Variants in CHEK2 observed in about 807,000 individuals in gnomAD.
The protein encoded by CHEK2 is checkpoint kinase 2.
Under a neutral mutation model 69.1 loss-of-function variants are expected in CHEK2, and 71 were observed. The ratio of observed to expected loss-of-function variants is 1.03; its 90% CI spans 0.85 to 1.25. The LOEUF is 1.25. CHEK2 is among the 50% of genes most tolerant of loss of function. The pLI, the probability that CHEK2 is intolerant of heterozygous loss-of-function variation, is 0.00. For synonymous variants in CHEK2, 189 were observed against 226.9 expected (o/e 0.83, Z 1.50); for missense variants, 664 against 649.6 (o/e 1.02, Z -0.24).
intron 7 of CHEK2, among the ~76,000 whole-genome samples, chr22:28,708,554 C>A (rs1277998175): frequency 1.3e-5 from 2 of 152,014 alleles, no homozygotes; most frequent in African/African-American, 4.8e-5. Flanking sequence ...TCTAAAGGAA[C>A]CTGCTGAAGT....
intron 1 of CHEK2, among the ~76,000 whole-genome samples, 175 bp downstream of exon 1, chr22:28,741,594 G>A (rs1234603180): frequency 6.6e-6 from 1 of 152,028 alleles, no homozygotes; most frequent in Admixed American, 6.6e-5. Context: ...AGTAATACGG[G>A]AAGTGAACTT....
chr22:28,725,201 A>G (rs1430305326), intron 3 of CHEK2, 42 bp downstream of exon 3: 1 of 1,614,032 alleles, frequency 6.2e-7, no homozygotes, highest in East Asian at 2.2e-5. Flanking sequence ...AACAATGACC[A>G]AATTACCAGC....
chr22:28,724,709 G>A (rs1449064431), intron 4 of CHEK2: 1 of 431,878 alleles, frequency 2.3e-6, no homozygotes, highest in Non-Finnish European at 4.5e-6. Context: ...TGGGATTACA[G>A]GCATGCACCA....
At chr22:28,739,852 T>C (rs1218174067) in intron 1 of CHEK2, among the ~76,000 whole-genome samples, 3 of 152,202 alleles carry the variant, frequency 2.0e-5, no homozygotes, top group South Asian at 2.1e-4. Flanking sequence ...AAAAAGGCTC[T>C]ATCTTATATT....
chr22:28,725,343 A>G lies in CHEK2; in HGVS notation c.344T>C (p.Phe115Ser), dbSNP rs1060502706. The change falls in exon 3 of 15, where the codon TTT becomes TCT. Residue 115 changes from phenylalanine (F) to serine (S), a missense_variant. Transcript: ENST00000404276. ...ATATTCACAGCTTTTGTCCCTCCCAAACCAGTAGTTGTCATTCACACATTC... is the reference window on the plus strand; with the variant it reads ...ATATTCACAGCTTTTGTCCCTCCCAGACCAGTAGTTGTCATTCACACATTC... ...NLECVNDNYW[F>S]GRDKSCEYCF... 1 of 1,614,092 alleles carries G rather than the reference A, an allele frequency of 6.2e-7. No individual in the cohort carries two copies. The highest frequency in any genetic ancestry group is 8.5e-7 in the Non-Finnish European group (1 of 1,179,992).
chr22:28,723,664 C>A (rs1013370317), intron 4 of CHEK2, among the ~76,000 whole-genome samples: 1 of 146,268 alleles, frequency 6.8e-6, no homozygotes, highest in African/African-American at 2.5e-5. Flanking sequence ...ATGAATAGGG[C>A]TGGACATGGT....
intron 1 of CHEK2, among the ~76,000 whole-genome samples, chr22:28,736,714 A>G (rs1462805801): frequency 1.3e-5 from 2 of 152,102 alleles, no homozygotes; most frequent in African/African-American, 2.4e-5. Flanking sequence ...CCAAGGCAAG[A>G]GGACCACTTG....
intron 2 of CHEK2, among the ~76,000 whole-genome samples, chr22:28,729,540 C>CAAAAAAAAAAAAAAAAATAAAAAAAAAAA (rs2054126626): frequency 1.2e-5 from 1 of 83,090 alleles, no homozygotes; most frequent in East Asian, 3.5e-4. Flanking sequence ...GACTCCATCT[C>CAAAAAAAAAAAAAAAAATAAAAAAAAAAA]AAAAAAAAAA....
At chr22:28,714,209 A>C (rs2053510122) in intron 5 of CHEK2, among the ~76,000 whole-genome samples, 1 of 152,174 alleles carries the variant, frequency 6.6e-6, no homozygotes, top group Admixed American at 6.5e-5. Context: ...ATTTCTCCAC[A>C]TCCTCACCAA....
chr22:28,729,342 AC>A, intron 2 of CHEK2: 1 of 214,240 alleles, frequency 4.7e-6, no homozygotes, highest in South Asian at 4.6e-5. Flanking sequence ...GGAGATGGAG[AC>A]CATCCTGGCT....
chr22:28,693,429 C>T (rs1168979120), intron 13 of CHEK2, among the ~76,000 whole-genome samples: 1 of 152,192 alleles, frequency 6.6e-6, no homozygotes, highest in Non-Finnish European at 1.5e-5. Context: ...TAGCTGGATT[C>T]TCCCCAGGGA....
chr22:28,701,980 T>C (rs1350169921), intron 8 of CHEK2, among the ~76,000 whole-genome samples: 1 of 150,614 alleles, frequency 6.6e-6, no homozygotes, highest in Non-Finnish European at 1.5e-5. Context: ...AGGCAGAGTC[T>C]CACTCCCATT....
chr22:28,699,960 G>A (rs774736943), intron 8 of CHEK2, 23 bp from the exon 9 acceptor site: 3 of 1,563,750 alleles, frequency 1.9e-6, no homozygotes, highest in Non-Finnish European at 2.6e-6. Flanking sequence ...GGCAAGGCAA[G>A]GGGTTCATTC....
At chr22:28,689,810 T>C (rs1304296395) in intron 13 of CHEK2, among the ~76,000 whole-genome samples, 1 of 152,188 alleles carries the variant, frequency 6.6e-6, no homozygotes, top group Admixed American at 6.5e-5. Flanking sequence ...AGGGGTTTCA[T>C]GCTGCAGGAG....
chr22:28,728,434 T>TGATA (rs1317505928), intron 2 of CHEK2, among the ~76,000 whole-genome samples: 3 of 151,960 alleles, frequency 2.0e-5, no homozygotes, highest in Non-Finnish European at 2.9e-5. Flanking sequence ...AAAGACTGAA[T>TGATA]GATAATCCTA....
intron 14 of CHEK2, 85 bp from the exon 15 acceptor site, chr22:28,688,071 G>A (rs111711838): frequency 3.2e-5 from 34 of 1,047,666 alleles, no homozygotes; most frequent in African/African-American, 2.5e-4. Flanking sequence ...TATGCTTCCA[G>A]TAAAGTGGGG....
At chr22:28,706,502 G>A (rs2053147900) in intron 7 of CHEK2, among the ~76,000 whole-genome samples, 1 of 152,156 alleles carries the variant, frequency 6.6e-6, no homozygotes, top group African/African-American at 2.4e-5. Context: ...GAAGTGCAAT[G>A]GGGTGATCAT....
intron 1 of CHEK2, among the ~76,000 whole-genome samples, chr22:28,736,515 G>A (rs1313074201): frequency 1.3e-5 from 2 of 152,162 alleles, no homozygotes; most frequent in Non-Finnish European, 2.9e-5. Flanking sequence ...ATAACCATAG[G>A]GCTTATCTTT....
chr22:28,718,325 G>A (rs1255423114), intron 5 of CHEK2, among the ~76,000 whole-genome samples: 1 of 152,152 alleles, frequency 6.6e-6, no homozygotes, highest in Non-Finnish European at 1.5e-5. Context: ...TACACTGTTG[G>A]TGGGAAAGTA....
Sources: gnomAD v4.1 joint callset for allele counts (sites outside exome capture counted in the v4.1 genomes callset) on GRCh38, gnomAD v4.1.1 for gene constraint, MANE v1.5 for transcripts, NCBI Gene and HGNC (gene_info 2026-07-23, HGNC 2026-07-21) for gene names.